SYT16: variants seen among roughly 807,000 people sequenced by gnomAD.
The protein encoded by SYT16 is synaptotagmin 16.
A neutral mutation model predicts 61.4 loss-of-function variants in SYT16; 42 were observed. The observed-to-expected ratio is 0.68, with a 90% CI of 0.53 to 0.89. The LOEUF (loss-of-function observed/expected upper bound fraction) is 0.89, where lower values mean the gene tolerates loss of function less well. SYT16 is among the 40% of genes least tolerant of loss of function. The probability of loss-of-function intolerance (pLI) is 0.00; values close to 1 mark genes in which losing one functional copy is unlikely to be tolerated. For missense variants in SYT16, 804 were observed against 807.3 expected (o/e 1.00, Z 0.05); for synonymous variants, 314 against 302.3 (o/e 1.04, Z -0.40).
intron 1 of SYT16, among the ~76,000 whole-genome samples, chr14:61,819,714 A>G (rs542892423): frequency 6.6e-6 from 1 of 152,314 alleles, no homozygotes; most frequent in Admixed American, 6.5e-5. Flanking sequence ...GCTCAATAGA[A>G]ATTGCAAAAG....
rs1189546732 is a variant in SYT16 at position 62,101,172 on chromosome 14, AG to A, written c.*466del. Reference sequence around the variant, plus strand: ...TGAATCAGATGCTGAGCCTCATAAAAGAATCAAACTCTAATCCATAAACTCT... The same window carrying A: ...TGAATCAGATGCTGAGCCTCATAAAAAATCAAACTCTAATCCATAAACTCT... On this transcript the variant is annotated 3_prime_UTR_variant, in exon 8 of 8. Coordinates refer to ENST00000683842, the MANE Select transcript of SYT16 (RefSeq NM_001367656.1). 1 of 153,430 alleles carries A rather than the reference AG, an allele frequency of 6.5e-6. No homozygotes were observed. Among genetic ancestry groups the A allele is most frequent in the African/African-American group, 2.4e-5 (1 of 41,478 alleles). 9.5% of individuals were successfully genotyped at this position (153,430 alleles called of 1,614,324 possible).
intron 1 of SYT16, among the ~76,000 whole-genome samples, chr14:61,880,465 T>C (rs1026396063): frequency 1.3e-5 from 2 of 152,216 alleles, no homozygotes; most frequent in Non-Finnish European, 2.9e-5. Flanking sequence ...CTTTACTATT[T>C]CATGTGCATT....
chr14:61,975,590 A>C (rs949679869), intron 2 of SYT16, among the ~76,000 whole-genome samples: 2 of 152,104 alleles, frequency 1.3e-5, no homozygotes, highest in African/African-American at 4.8e-5. Context: ...AAACCATCAG[A>C]TCTTGTGAGA....
chr14:62,021,554 A>T (rs1566771943), intron 3 of SYT16, among the ~76,000 whole-genome samples: 1 of 151,162 alleles, frequency 6.6e-6, no homozygotes, highest in Non-Finnish European at 1.5e-5. Context: ...AGCCAACAGG[A>T]TTTTCTGTCC....
chr14:61,840,281 G>A (rs777675398), intron 1 of SYT16, among the ~76,000 whole-genome samples: 2 of 152,198 alleles, frequency 1.3e-5, no homozygotes, highest in Non-Finnish European at 2.9e-5. Context: ...GTGCGCTATT[G>A]GAAATACGAG....
chr14:61,852,902 G>A (rs2046659243), intron 1 of SYT16, among the ~76,000 whole-genome samples: 1 of 152,064 alleles, frequency 6.6e-6, no homozygotes, highest in South Asian at 2.1e-4. Context: ...TTATATTATT[G>A]ATGATTTAAA....
At chr14:61,812,333 C>T (rs1365591253), upstream of SYT16, 1 of 152,480 alleles carries the variant, frequency 6.6e-6, no homozygotes, top group Non-Finnish European at 1.5e-5. Context: ...TGGTGAGAAG[C>T]TCGAGGTAGG....
intron 1 of SYT16, among the ~76,000 whole-genome samples, chr14:61,962,757 A>G (rs910302612): frequency 6.6e-6 from 1 of 151,816 alleles, no homozygotes; most frequent in Non-Finnish European, 1.5e-5. Flanking sequence ...GAGTTCACTC[A>G]TTCTTTATTC....
intron 3 of SYT16, among the ~76,000 whole-genome samples, chr14:62,021,191 A>G (rs2053895533): frequency 6.6e-6 from 1 of 152,182 alleles, no homozygotes; most frequent in African/African-American, 2.4e-5. Flanking sequence ...TACGGTCACA[A>G]TCACTCCAGA....
rs559477557 is a variant in SYT16, at chr14:61,929,403, G to A, written c.-324-40729G>A. Among the ~76,000 whole-genome samples the A allele has an allele frequency of 4.7e-4, 71 of 152,196 alleles. 1 individual carries two copies. The highest frequency in any genetic ancestry group is 8.5e-4 in the Admixed American group (13 of 15,276). On this transcript the variant is annotated intron_variant, in intron 1 of 7. Coordinates refer to ENST00000683842, the MANE Select transcript of SYT16 (RefSeq NM_001367656.1). Reference sequence around the variant, plus strand: ...TTATGTTGTTTGTAGGGGAGGATGCGTACAAGTCAGGTGAAGAGGAGAGAT... The same window carrying A: ...TTATGTTGTTTGTAGGGGAGGATGCATACAAGTCAGGTGAAGAGGAGAGAT...
At chr14:62,045,272 T>C (rs1020247144) in intron 3 of SYT16, among the ~76,000 whole-genome samples, 2 of 152,184 alleles carry the variant, frequency 1.3e-5, no homozygotes, top group Non-Finnish European at 2.9e-5. Flanking sequence ...TATTCTCATA[T>C]AATTATATGG....
At chr14:62,093,548 T>A (rs1595399229) in intron 7 of SYT16, among the ~76,000 whole-genome samples, 2 of 151,974 alleles carry the variant, frequency 1.3e-5, no homozygotes, top group South Asian at 4.1e-4. Context: ...TTATAATATA[T>A]AAGGAAGGAA....
intron 1 of SYT16, among the ~76,000 whole-genome samples, chr14:61,831,263 A>T (rs1423634861): frequency 1.3e-5 from 2 of 152,208 alleles, no homozygotes; most frequent in Non-Finnish European, 2.9e-5. Flanking sequence ...CTTTTCTTGA[A>T]GCTTTTTGTT....
chr14:62,004,146 C>T (rs766251397), intron 3 of SYT16, among the ~76,000 whole-genome samples: 9 of 152,150 alleles, frequency 5.9e-5, no homozygotes, highest in Non-Finnish European at 1.2e-4. Context: ...TTAATTGATT[C>T]ATAGTTCTGC....
chr14:61,939,039 G>A (rs1017317646), intron 1 of SYT16, among the ~76,000 whole-genome samples: 50 of 152,330 alleles, frequency 3.3e-4, no homozygotes, highest in Non-Finnish European at 5.3e-4. Flanking sequence ...GGAGGCTGAG[G>A]CAGGAGAATT....
chr14:61,873,028 T>C (rs1490331434), intron 1 of SYT16, among the ~76,000 whole-genome samples: 1 of 152,182 alleles, frequency 6.6e-6, no homozygotes, highest in Non-Finnish European at 1.5e-5. Flanking sequence ...TCATTAGCCT[T>C]ATCTGTTTGT....
rs117711652 is a variant in SYT16 at position 61,909,851 on chromosome 14, C to T, written c.-324-60281C>T. Among the ~76,000 whole-genome samples, 1,094 of 152,292 alleles carry T rather than the reference C, an allele frequency of 7.2e-3. 8 individuals are homozygous for T. Among genetic ancestry groups the T allele is most frequent in the Non-Finnish European group, 0.011 (722 of 68,020 alleles). ...GAATGGCTATGGCAGCACTTGGAGA[C>T]GTCCTTGGTCTTTCCGTACCTGTGT... On this transcript the variant is annotated intron_variant, in intron 1 of 7. Transcript: ENST00000683842.
chr14:62,023,475 T>C (rs914999433), intron 3 of SYT16, among the ~76,000 whole-genome samples: 1 of 152,180 alleles, frequency 6.6e-6, no homozygotes, highest in Non-Finnish European at 1.5e-5. Context: ...TTTTTACTCA[T>C]ATTTTTGGGT....
At chr14:62,004,337 A>C (rs1282227143) in intron 3 of SYT16, among the ~76,000 whole-genome samples, 1 of 152,104 alleles carries the variant, frequency 6.6e-6, no homozygotes, top group African/African-American at 2.4e-5. Flanking sequence ...CCTCATTATC[A>C]TGAGAACAGC....
Sources: allele counts gnomAD v4.1 joint callset (sites outside exome capture counted in the v4.1 genomes callset), GRCh38; gene constraint gnomAD v4.1.1; transcripts MANE v1.5; gene names NCBI Gene and HGNC (gene_info 2026-07-23, HGNC 2026-07-21).